TMCO5A: variants seen among roughly 807,000 people sequenced by gnomAD.
The protein encoded by TMCO5A is transmembrane and coiled-coil domain-containing protein 5A.
Under a neutral mutation model 42.3 loss-of-function variants are expected in TMCO5A, and 34 were observed. That is an observed-to-expected ratio of 0.80 (90% confidence interval 0.61 to 1.07). The LOEUF is 1.07. Ranked by LOEUF, TMCO5A falls within the 50% of genes least tolerant of loss-of-function variation. The pLI is 0.00. For missense variants in TMCO5A, 357 were observed against 327.9 expected (o/e 1.09, Z -0.69); for synonymous variants, 131 against 115.6 (o/e 1.13, Z -0.86).
chr15:37,946,385 C>T (rs1179818684), intron 10 of TMCO5A, among the ~76,000 whole-genome samples: 1 of 151,840 alleles, frequency 6.6e-6, no homozygotes, highest in African/African-American at 2.4e-5. Context: ...ATCATTTTTT[C>T]TAATTCTGTG....
At chr15:37,971,170 A>G (rs550670999), downstream of TMCO5A, among the ~76,000 whole-genome samples, 1 of 152,250 alleles carries the variant, frequency 6.6e-6, no homozygotes, top group Non-Finnish European at 1.5e-5. Flanking sequence ...GCATTTCCAT[A>G]CAACCTCTGA....
intron 11 of TMCO5A, among the ~76,000 whole-genome samples, chr15:37,959,178 A>C (rs915279591): frequency 5.9e-5 from 9 of 152,038 alleles, no homozygotes; most frequent in African/African-American, 2.2e-4. Flanking sequence ...TTATGGGTTG[A>C]TGGGTGCAGC....
the TMCO5A span, among the ~76,000 whole-genome samples, chr15:38,009,046 T>C: frequency 6.6e-6 from 1 of 152,112 alleles, no homozygotes; most frequent in Non-Finnish European, 1.5e-5. Flanking sequence ...AAGACTGAAG[T>C]TTCTGTGTGA....
intron 10 of TMCO5A, 84 bp downstream of exon 10, chr15:37,943,482 T>C (rs1889826662): frequency 7.4e-7 from 1 of 1,357,334 alleles, no homozygotes; most frequent in Admixed American, 1.8e-5. Context: ...GCACCAAATA[T>C]ATACCCAATC....
chr15:37,944,671 G>C (rs1342586133), intron 10 of TMCO5A, among the ~76,000 whole-genome samples: 1 of 152,012 alleles, frequency 6.6e-6, no homozygotes, highest in African/African-American at 2.4e-5. Context: ...CTGGGCTCAA[G>C]GGTTCCTCCC....
the TMCO5A span, among the ~76,000 whole-genome samples, chr15:38,012,944 C>T: frequency 6.6e-6 from 1 of 152,104 alleles, no homozygotes; most frequent in South Asian, 2.1e-4. Context: ...AAAGAAGGAA[C>T]AAACTTGGAA....
chr15:37,972,373 A>T (rs550736524), downstream of TMCO5A, among the ~76,000 whole-genome samples: 1 of 152,346 alleles, frequency 6.6e-6, no homozygotes, highest in South Asian at 2.1e-4. Flanking sequence ...GGGTGGGGAC[A>T]CAGCCAAACC....
exon 12 of TMCO5A, chr15:37,966,784 T>G: frequency 1.5e-6 from 1 of 685,272 alleles, no homozygotes; most frequent in Non-Finnish European, 2.7e-6. Context: ...TTGCCTACCC[T>G]GTCCCACAGT....
intron 11 of TMCO5A, among the ~76,000 whole-genome samples, chr15:37,949,099 G>A (rs1448500462): frequency 6.6e-6 from 1 of 151,836 alleles, no homozygotes; most frequent in Non-Finnish European, 1.5e-5. Flanking sequence ...GTTTCCTCAT[G>A]CAATTCATAT....
the TMCO5A span, among the ~76,000 whole-genome samples, chr15:37,974,476 C>G: frequency 2.6e-5 from 4 of 152,062 alleles, no homozygotes; most frequent in Admixed American, 2.0e-4. Flanking sequence ...CTTCCTGGTT[C>G]AAACTTGGGA....
At chr15:37,954,540 C>G (rs564698863), downstream of TMCO5A, among the ~76,000 whole-genome samples, 1 of 152,126 alleles carries the variant, frequency 6.6e-6, no homozygotes, top group African/African-American at 2.4e-5. Context: ...ACCTAGTCTA[C>G]AAGAAATGCT....
At chr15:37,968,846 G>A (rs1890618684), downstream of TMCO5A, among the ~76,000 whole-genome samples, 1 of 152,006 alleles carries the variant, frequency 6.6e-6, no homozygotes, top group Non-Finnish European at 1.5e-5. Flanking sequence ...CTCCCAAAGT[G>A]CTGGAATTAC....
the TMCO5A span, among the ~76,000 whole-genome samples, chr15:37,981,567 A>C: frequency 2.0e-5 from 3 of 152,330 alleles, no homozygotes; most frequent in East Asian, 3.9e-4. Context: ...ATGTAGGTTC[A>C]GCTACTCAGG....
chr15:38,022,549 T>C, the TMCO5A span, among the ~76,000 whole-genome samples: 2 of 152,172 alleles, frequency 1.3e-5, no homozygotes, highest in Non-Finnish European at 2.9e-5. Flanking sequence ...CTGAAAATAC[T>C]CTATATGATA....
the TMCO5A span, among the ~76,000 whole-genome samples, chr15:38,012,927 A>G: frequency 6.6e-6 from 1 of 152,212 alleles, no homozygotes; most frequent in African/African-American, 2.4e-5. Context: ...TCTGAATGAG[A>G]GAACCCAAAG....
intron 6 of TMCO5A, among the ~76,000 whole-genome samples, chr15:37,939,774 G>A (rs1889667389): frequency 6.6e-6 from 1 of 152,074 alleles, no homozygotes; most frequent in Admixed American, 6.6e-5. Context: ...CAGTGCAGCA[G>A]CTTAATGGGG....
chr15:38,002,126 C>T, the TMCO5A span, among the ~76,000 whole-genome samples: 4 of 151,776 alleles, frequency 2.6e-5, no homozygotes, highest in Admixed American at 2.0e-4. Context: ...AATCCCTCAA[C>T]TTTTGTTTGT....
At chr15:38,032,394 A>G in the TMCO5A span, among the ~76,000 whole-genome samples, 1 of 152,192 alleles carries the variant, frequency 6.6e-6, no homozygotes, top group African/African-American at 2.4e-5. Context: ...CATCTATTAT[A>G]TCATTCAGTA....
intron 11 of TMCO5A, among the ~76,000 whole-genome samples, chr15:37,958,902 A>G (rs1890356178): frequency 6.6e-6 from 1 of 152,174 alleles, no homozygotes. Context: ...GGATAAAGAA[A>G]ATGTGGCACA....
Sources: allele counts gnomAD v4.1 joint callset (sites outside exome capture counted in the v4.1 genomes callset), GRCh38; gene constraint gnomAD v4.1.1; transcripts MANE v1.5; gene names NCBI Gene and HGNC (gene_info 2026-07-23, HGNC 2026-07-21).